The following GPR15LG variants were observed in gnomAD, a reference collection of about 807,000 sequenced individuals.
GPR15LG encodes the protein G protein-coupled receptor 15 ligand.
the GPR15LG span, among the ~76,000 whole-genome samples, chr10:84,182,243 G>A: frequency 1.3e-4 from 20 of 152,222 alleles, no homozygotes; most frequent in East Asian, 1.3e-3. Context: ...GGTGAAGAGG[G>A]CTGGCAGCCC....
the GPR15LG span, among the ~76,000 whole-genome samples, chr10:84,181,661 C>T: frequency 6.6e-6 from 1 of 152,148 alleles, no homozygotes. Context: ...CCTCAAGCAA[C>T]CCTCCTGCCT....
the GPR15LG span, among the ~76,000 whole-genome samples, chr10:84,176,025 A>G: frequency 1.3e-5 from 2 of 151,924 alleles, no homozygotes; most frequent in African/African-American, 4.8e-5. Context: ...AGTAGCTGGG[A>G]TTACAGGCAT....
chr10:84,174,797 T>G, the GPR15LG span, among the ~76,000 whole-genome samples: 3 of 152,312 alleles, frequency 2.0e-5, no homozygotes, highest in Admixed American at 2.0e-4. Flanking sequence ...GCTGCCTTTC[T>G]TGATTCAGAT....
the GPR15LG span, chr10:84,173,849 A>G: frequency 1.2e-6 from 2 of 1,611,302 alleles, no homozygotes; most frequent in Non-Finnish European, 1.7e-6. Flanking sequence ...CTGCCTTCTC[A>G]CCATGAGGCT....
the GPR15LG span, among the ~76,000 whole-genome samples, chr10:84,178,279 C>CA: frequency 1.3e-5 from 2 of 151,674 alleles, no homozygotes; most frequent in Non-Finnish European, 2.9e-5. Context: ...ACTACACAAA[C>CA]AGACACACAC....
the GPR15LG span, among the ~76,000 whole-genome samples, chr10:84,179,589 G>A: frequency 1.5e-3 from 226 of 152,316 alleles, no homozygotes; most frequent in African/African-American, 5.1e-3. Context: ...GACAAAGCCC[G>A]TGCATCTGTC....
the GPR15LG span, chr10:84,176,403 C>T: frequency 8.0e-6 from 8 of 1,004,120 alleles, no homozygotes; most frequent in African/African-American, 7.9e-5. Flanking sequence ...TTCCTGAGCC[C>T]TGTGCCTTGG....
the GPR15LG span, among the ~76,000 whole-genome samples, chr10:84,181,983 T>C: frequency 6.6e-6 from 1 of 152,214 alleles, no homozygotes; most frequent in South Asian, 2.1e-4. Context: ...CCTGAGAGGC[T>C]GCCCAGGTCC....
the GPR15LG span, among the ~76,000 whole-genome samples, chr10:84,183,273 G>A: frequency 2.6e-5 from 4 of 152,138 alleles, no homozygotes; most frequent in Non-Finnish European, 5.9e-5. Context: ...GTAACTTGTT[G>A]AAGGTCCCAC....
At chr10:84,175,651 C>T in the GPR15LG span, among the ~76,000 whole-genome samples, 6 of 152,062 alleles carry the variant, frequency 3.9e-5, no homozygotes, top group Admixed American at 6.6e-5. Flanking sequence ...AAAACAGGTG[C>T]GCACCACAAT....
chr10:84,176,131 G>A, the GPR15LG span, among the ~76,000 whole-genome samples: 9 of 150,620 alleles, frequency 6.0e-5, no homozygotes, highest in South Asian at 8.4e-4. Flanking sequence ...CAAGTGATCC[G>A]CCCACCTCAG....
At chr10:84,176,577 C>T in the GPR15LG span, 22 of 1,607,832 alleles carry the variant, frequency 1.4e-5, no homozygotes, top group Non-Finnish European at 1.9e-5. Flanking sequence ...AAGGTAAGTA[C>T]CCCCACCTCG....
the GPR15LG span, chr10:84,184,962 G>C: frequency 4.9e-6 from 7 of 1,425,648 alleles, no homozygotes; most frequent in African/African-American, 8.7e-5. Flanking sequence ...AACTTTCAGA[G>C]CTATCATGAG....
At chr10:84,178,818 A>G in the GPR15LG span, among the ~76,000 whole-genome samples, 135 of 152,330 alleles carry the variant, frequency 8.9e-4, no homozygotes, top group Middle Eastern at 3.4e-3. Flanking sequence ...TTAAAATTCC[A>G]TTGTTGAAAT....
the GPR15LG span, among the ~76,000 whole-genome samples, chr10:84,179,349 T>G: frequency 1.3e-5 from 2 of 152,342 alleles, no homozygotes; most frequent in South Asian, 4.1e-4. Flanking sequence ...GACCCAGCCC[T>G]GCCAGGGCTG....
the GPR15LG span, chr10:84,184,674 C>T: frequency 3.7e-6 from 6 of 1,613,880 alleles, no homozygotes; most frequent in South Asian, 1.1e-5. Flanking sequence ...CTCATTGCTC[C>T]TCCCAGGACA....
At chr10:84,177,325 AG>A in the GPR15LG span, among the ~76,000 whole-genome samples, 1 of 152,214 alleles carries the variant, frequency 6.6e-6, no homozygotes, top group Non-Finnish European at 1.5e-5. Context: ...CCCAGGTGGA[AG>A]GGTCAGGCTG....
At chr10:84,181,398 T>C in the GPR15LG span, among the ~76,000 whole-genome samples, 1 of 150,654 alleles carries the variant, frequency 6.6e-6, no homozygotes, top group Non-Finnish European at 1.5e-5. Flanking sequence ...TTAGAAAATT[T>C]ATAGCAATCT....
At chr10:84,179,984 T>A in the GPR15LG span, among the ~76,000 whole-genome samples, 8 of 151,674 alleles carry the variant, frequency 5.3e-5, no homozygotes, top group African/African-American at 1.9e-4. Flanking sequence ...CAGATAAACA[T>A]GTGAACAAAG....
Sources: allele counts gnomAD v4.1 joint callset (sites outside exome capture counted in the v4.1 genomes callset), GRCh38; gene constraint gnomAD v4.1.1; transcripts MANE v1.5; gene names NCBI Gene and HGNC (gene_info 2026-07-23, HGNC 2026-07-21).